ATP10B: variants seen among roughly 807,000 people sequenced by gnomAD.
ATP10B encodes ATPase phospholipid transporting 10B (putative).
In ATP10B, 122 loss-of-function variants were observed where a neutral mutation model predicts 141.2. The ratio of observed to expected loss-of-function variants is 0.86; its 90% CI spans 0.75 to 1.00. ATP10B has a LOEUF of 1.00. ATP10B is among the 50% of genes least tolerant of loss of function. The pLI is 0.00. For missense variants in ATP10B, 1,876 were observed against 1,825.3 expected, an observed-to-expected ratio of 1.03 and a Z score of -0.51; for synonymous variants, 685 against 692.0, an observed-to-expected ratio of 0.99 and a Z score of 0.16.
chr5:160,571,400 AT>A (rs1188863588), intron 24 of ATP10B, among the ~76,000 whole-genome samples: 1 of 152,170 alleles, frequency 6.6e-6, no homozygotes, highest in African/African-American at 2.4e-5. Context: ...GATTTTTCAA[AT>A]CTGCTAGGTT....
intron 7 of ATP10B, among the ~76,000 whole-genome samples, chr5:160,653,498 G>T (rs1275467): frequency 7.0e-5 from 8 of 113,662 alleles, no homozygotes; most frequent in Non-Finnish European, 1.2e-4. Context: ...ATATACATAT[G>T]TACATATATA....
At chr5:160,584,572 T>C (rs1224586291) in intron 24 of ATP10B, among the ~76,000 whole-genome samples, 1 of 152,184 alleles carries the variant, frequency 6.6e-6, no homozygotes, top group Non-Finnish European at 1.5e-5. Flanking sequence ...TCCCTTTTAG[T>C]GATTAATCTT....
At chr5:160,717,617 A>G (rs943587045) in intron 2 of ATP10B, among the ~76,000 whole-genome samples, 1 of 152,234 alleles carries the variant, frequency 6.6e-6, no homozygotes, top group Non-Finnish European at 1.5e-5. Context: ...TTTCACCAAT[A>G]TGAATTTATT....
chr5:160,623,968 C>A (rs918886764), intron 13 of ATP10B, among the ~76,000 whole-genome samples: 4 of 152,192 alleles, frequency 2.6e-5, no homozygotes, highest in African/African-American at 9.7e-5. Flanking sequence ...CTAACTACAG[C>A]TTTTTTGAAG....
chr5:160,835,698 T>C (rs1775381738), intron 1 of ATP10B, among the ~76,000 whole-genome samples: 1 of 152,166 alleles, frequency 6.6e-6, no homozygotes, highest in African/African-American at 2.4e-5. Flanking sequence ...GCTTATACTG[T>C]ACATGTTTGT....
intron 2 of ATP10B, among the ~76,000 whole-genome samples, chr5:160,718,264 T>C (rs954908414): frequency 5.9e-5 from 9 of 152,104 alleles, no homozygotes; most frequent in African/African-American, 1.4e-4. Flanking sequence ...AGAAAGCCCT[T>C]CCTAGAAGTC....
the ATP10B span, among the ~76,000 whole-genome samples, chr5:160,871,716 T>G: frequency 6.6e-6 from 1 of 152,214 alleles, no homozygotes; most frequent in African/African-American, 2.4e-5. Context: ...TTTTTATGAC[T>G]GTGTAGTATT....
chr5:160,719,637 C>G (rs2127780529), intron 2 of ATP10B, among the ~76,000 whole-genome samples: 1 of 152,346 alleles, frequency 6.6e-6, no homozygotes, highest in East Asian at 1.9e-4. Flanking sequence ...TGTAAAGAGC[C>G]AGTGACTTGT....
intron 2 of ATP10B, among the ~76,000 whole-genome samples, chr5:160,747,294 C>T (rs1324478718): frequency 6.6e-6 from 1 of 152,158 alleles, no homozygotes; most frequent in African/African-American, 2.4e-5. Context: ...AGTACTTTTT[C>T]AAGCTTCCCA....
rs113623879 is a variant in ATP10B, at chr5:160,743,004, G to A, written c.-330-25970C>T. Among the ~76,000 whole-genome samples the A allele has an allele frequency of 1.5e-3, 231 of 152,298 alleles. 1 individual carries two copies. The highest frequency in any genetic ancestry group is 0.01 in the Middle Eastern group (3 of 294). ...GTGATAATTAAAAATCATTATAATC[G>A]CAAAGATGATAGAGGTAATAGTGTG... On this transcript the variant is annotated intron_variant, in intron 2 of 25. Transcript: ENST00000327245.
At chr5:160,736,557 T>C (rs537722183) in intron 2 of ATP10B, among the ~76,000 whole-genome samples, 5 of 151,934 alleles carry the variant, frequency 3.3e-5, no homozygotes, top group Non-Finnish European at 7.4e-5. Context: ...AGGTCAGGAG[T>C]TCGCCCAGCC....
chr5:160,589,010 GTTTTTGT>G (rs1284940220), intron 24 of ATP10B, among the ~76,000 whole-genome samples: 2 of 152,114 alleles, frequency 1.3e-5, no homozygotes, highest in East Asian at 1.9e-4. Context: ...CGCCTGAACT[GTTTTTGT>G]TTTTTGTTTT....
intron 2 of ATP10B, among the ~76,000 whole-genome samples, chr5:160,769,971 T>C (rs985301035): frequency 6.6e-6 from 1 of 152,214 alleles, no homozygotes; most frequent in Non-Finnish European, 1.5e-5. Context: ...TGAAGAGCTA[T>C]TGATCAACTA....
intron 1 of ATP10B, among the ~76,000 whole-genome samples, chr5:160,820,884 A>G (rs1774052123): frequency 6.6e-6 from 1 of 152,154 alleles, no homozygotes; most frequent in Non-Finnish European, 1.5e-5. Flanking sequence ...TATAGAAGGA[A>G]CATACCTCAA....
chr5:160,603,987 A>G lies in ATP10B; in HGVS notation c.3215T>C (p.Ile1072Thr). ...MIQAADIGIG[I>T]SGQEGMQAVM... ...TACCTGCATGCCTTCCTGTCCAGAT[A>G]TTCCAATTCCAATATCAGCAGCTTG... Residue 1072 changes from isoleucine to threonine, a missense_variant, in exon 20 of 26, where the codon ATA becomes ACA. Physicochemically the swap from Ile to Thr is moderately conservative, Grantham distance 89. Coordinates refer to ENST00000327245, the MANE Select transcript of ATP10B (RefSeq NM_025153.3). 6.2e-7 allele frequency: 1 copy of G among 1,613,852 alleles called. No homozygotes were observed. The highest frequency in any genetic ancestry group is 8.5e-7 in the Non-Finnish European group (1 of 1,179,862).
chr5:160,870,739 C>CA, the ATP10B span, among the ~76,000 whole-genome samples: 19,658 of 148,290 alleles, frequency 0.13, 1,308 homozygotes, highest in East Asian at 0.19. Context: ...GGAGAAATGC[C>CA]AAAAAAAAAC....
chr5:160,906,094 A>G, the ATP10B span, among the ~76,000 whole-genome samples: 2 of 152,220 alleles, frequency 1.3e-5, no homozygotes, highest in Non-Finnish European at 2.9e-5. Flanking sequence ...TAGATTTTGA[A>G]CATCAAAAGC....
intron 7 of ATP10B, among the ~76,000 whole-genome samples, chr5:160,659,584 AAAT>A (rs1371029415): frequency 6.6e-6 from 1 of 152,174 alleles, no homozygotes; most frequent in African/African-American, 2.4e-5. Context: ...AGAAATGTGA[AAAT>A]AATGCTAGAC....
At chr5:160,724,947 C>T (rs1365960032) in intron 2 of ATP10B, among the ~76,000 whole-genome samples, 3 of 152,136 alleles carry the variant, frequency 2.0e-5, no homozygotes, top group Non-Finnish European at 2.9e-5. Flanking sequence ...CATTGCTTTC[C>T]ACTACTAGCA....
Sources: allele counts gnomAD v4.1 joint callset (sites outside exome capture counted in the v4.1 genomes callset), GRCh38; gene constraint gnomAD v4.1.1; transcripts MANE v1.5; gene names NCBI Gene and HGNC (gene_info 2026-07-23, HGNC 2026-07-21).